RBFOX3: variants seen among roughly 807,000 people sequenced by gnomAD.
RBFOX3 encodes the protein RNA binding protein fox-1 homolog 3.
A neutral mutation model predicts 48.7 loss-of-function variants in RBFOX3; 17 were observed. The observed-to-expected ratio is 0.35, with a 90% CI of 0.24 to 0.52. RBFOX3 has a LOEUF of 0.52. Ranked by LOEUF, RBFOX3 falls within the 20% of genes least tolerant of loss-of-function variation. RBFOX3 has a pLI of 0.94. For missense variants in RBFOX3, 382 were observed against 497.5 expected (o/e 0.77, Z 2.21); for synonymous variants, 212 against 209.5 (o/e 1.01, Z -0.10).
At chr17:79,196,142 C>T (rs371262505) in intron 4 of RBFOX3, among the ~76,000 whole-genome samples, 31 of 152,230 alleles carry the variant, frequency 2.0e-4, no homozygotes, top group African/African-American at 7.2e-4. Context: ...AAGTGGAGGC[C>T]GGGATGCGGG....
the RBFOX3 span, among the ~76,000 whole-genome samples, chr17:79,664,236 G>T: frequency 7.9e-5 from 12 of 151,548 alleles, no homozygotes; most frequent in South Asian, 2.5e-3. Flanking sequence ...GTGCAGTGGC[G>T]CAATCTCAGC....
the RBFOX3 span, among the ~76,000 whole-genome samples, chr17:79,619,213 A>C: frequency 6.6e-6 from 1 of 152,216 alleles, no homozygotes; most frequent in African/African-American, 2.4e-5. Flanking sequence ...GGAGGTGCAG[A>C]GACTGCCCAG....
intron 3 of RBFOX3, among the ~76,000 whole-genome samples, chr17:79,238,386 T>C (rs1226320398): frequency 6.6e-6 from 1 of 152,258 alleles, no homozygotes; most frequent in Non-Finnish European, 1.5e-5. Flanking sequence ...AGGGTACGTC[T>C]GTGGCTCTGC....
chr17:79,662,942 A>T, the RBFOX3 span, among the ~76,000 whole-genome samples: 1 of 152,262 alleles, frequency 6.6e-6, no homozygotes, highest in South Asian at 2.1e-4. Flanking sequence ...ACACCAAAGT[A>T]CAAACAAGGA....
chr17:79,571,161 C>T (rs2092664825), intron 1 of RBFOX3, among the ~76,000 whole-genome samples: 1 of 152,212 alleles, frequency 6.6e-6, no homozygotes, highest in African/African-American at 2.4e-5. Context: ...GACTAACAAT[C>T]TGGTAGCATC....
chr17:79,258,721 G>T (rs910111404), intron 3 of RBFOX3, among the ~76,000 whole-genome samples: 2 of 152,230 alleles, frequency 1.3e-5, no homozygotes, highest in Non-Finnish European at 2.9e-5. Flanking sequence ...GGGGCTGGTT[G>T]GTGGGGGGTG....
Position 79,222,131 on chromosome 17 carries a change from G to A in RBFOX3, c.-34+13635C>T, listed in dbSNP as rs1275077003. ...TTCTACTGCTGCTTGATTTCTACCC[G>A]CAGCCTGATTTCTACCTGCTGCCTG... On this transcript the variant is annotated intron_variant, in intron 4 of 14. Coordinates refer to ENST00000693108, the MANE Select transcript of RBFOX3 (RefSeq NM_001350451.2). Among the ~76,000 whole-genome samples, 7 of 151,950 alleles carry A rather than the reference G, an allele frequency of 4.6e-5. No homozygotes were observed. The East Asian group carries it at 7.7e-4, about 17-fold the overall frequency.
chr17:79,488,020 G>T (rs1204393957), intron 1 of RBFOX3, among the ~76,000 whole-genome samples: 6 of 152,012 alleles, frequency 3.9e-5, no homozygotes. Context: ...GCTCCTAGAG[G>T]TGGGGGTGAG....
intron 2 of RBFOX3, among the ~76,000 whole-genome samples, chr17:79,352,668 C>A (rs1008536770): frequency 3.3e-5 from 5 of 152,144 alleles, no homozygotes; most frequent in African/African-American, 4.8e-5. Context: ...TGGTGTGGCC[C>A]ACACCTCCTA....
At chr17:79,369,584 G>A (rs2058251398) in intron 2 of RBFOX3, among the ~76,000 whole-genome samples, 1 of 152,086 alleles carries the variant, frequency 6.6e-6, no homozygotes, top group South Asian at 2.1e-4. Flanking sequence ...GGCATGGTTG[G>A]TGTTGCTCTG....
intron 2 of RBFOX3, among the ~76,000 whole-genome samples, chr17:79,350,777 G>A (rs528399186): frequency 3.9e-5 from 6 of 152,342 alleles, no homozygotes; most frequent in Admixed American, 1.3e-4. Flanking sequence ...CAGGCAGGGC[G>A]GCCTGCAGGG....
rs190392671 is a variant in RBFOX3, at chr17:79,373,130, G to A, written c.-174-65306C>T. Among the ~76,000 whole-genome samples, 576 of 152,272 alleles carry A rather than the reference G, an allele frequency of 3.8e-3. 1 individual carries two copies. Among genetic ancestry groups the A allele is most frequent in the African/African-American group, 0.013 (560 of 41,558 alleles). On this transcript the variant is annotated intron_variant, in intron 2 of 14. Transcript: ENST00000693108. ...GACAGGGGTGACGGCAGGGGAGCAG[G>A]TTGATTCCAACCCCATTTCCATGTG...
chr17:79,232,890 T>C (rs1030699199), intron 4 of RBFOX3, among the ~76,000 whole-genome samples: 1 of 152,226 alleles, frequency 6.6e-6, no homozygotes, highest in Non-Finnish European at 1.5e-5. Flanking sequence ...GCTGAAGAAC[T>C]GCAATTCTCA....
intron 4 of RBFOX3, among the ~76,000 whole-genome samples, chr17:79,116,802 C>G (rs1366913290): frequency 6.6e-6 from 1 of 152,276 alleles, no homozygotes; most frequent in Non-Finnish European, 1.5e-5. Flanking sequence ...CTCAGAGGCT[C>G]TTAGAAGCCC....
At chr17:79,569,314 C>A (rs36164838) in intron 1 of RBFOX3, among the ~76,000 whole-genome samples, 102,246 of 152,032 alleles carry the variant, frequency 0.67, 34,882 homozygotes, top group East Asian at 0.94. Context: ...GTTATTTCAT[C>A]TAAGTGGAAT....
rs1568111828 is a variant in RBFOX3, at chr17:79,361,996, G to A, written c.-174-54172C>T. Among the ~76,000 whole-genome samples, 1 of 151,982 alleles carries A rather than the reference G, an allele frequency of 6.6e-6. No individual in the cohort carries two copies. The highest frequency in any genetic ancestry group is 6.6e-5 in the Admixed American group (1 of 15,262). On this transcript the variant is annotated intron_variant, in intron 2 of 14. Coordinates refer to ENST00000693108, the MANE Select transcript of RBFOX3 (RefSeq NM_001350451.2). This position sits in a 1 kb window ranked among gnomAD's most constrained non-coding sequence, Gnocchi z 4.5. ...TGTTGGCTCTTCTCCGAGATTCTTC[G>A]AGTCTCTCTGTAAATAATACAGCTG...
the RBFOX3 span, among the ~76,000 whole-genome samples, chr17:79,630,817 A>G: frequency 6.6e-6 from 1 of 152,286 alleles, no homozygotes; most frequent in African/African-American, 2.4e-5. Context: ...GGTCTGCATT[A>G]TTGACCCCAG....
At chr17:79,394,261 C>T (rs1398931470) in intron 2 of RBFOX3, among the ~76,000 whole-genome samples, 3 of 152,322 alleles carry the variant, frequency 2.0e-5, no homozygotes, top group Non-Finnish European at 2.9e-5. Flanking sequence ...GACTCAAGGA[C>T]GACACTGTGT....
intron 4 of RBFOX3, among the ~76,000 whole-genome samples, chr17:79,221,716 A>G (rs1447252375): frequency 6.6e-6 from 1 of 151,870 alleles, no homozygotes; most frequent in Non-Finnish European, 1.5e-5. Context: ...GAGTGGAAGG[A>G]GGGCTCGCTG....
Sources: gnomAD v4.1 joint callset for allele counts (sites outside exome capture counted in the v4.1 genomes callset) on GRCh38, gnomAD v4.1.1 for gene constraint, Gnocchi (gnomAD v3.1) non-coding constraint, MANE v1.5 for transcripts, NCBI Gene and HGNC (gene_info 2026-07-23, HGNC 2026-07-21) for gene names.